Variants in MYOM1 observed in about 807,000 individuals in gnomAD.
MYOM1 encodes the protein myomesin 1.
Under a neutral mutation model 205.3 loss-of-function variants are expected in MYOM1, and 164 were observed. The ratio of observed to expected loss-of-function variants is 0.80; its 90% confidence interval spans 0.70 to 0.91. The LOEUF is 0.91. Among genes scored for constraint, MYOM1 ranks in the 40% least tolerant of loss-of-function variants. The pLI, the probability that MYOM1 is intolerant of heterozygous loss-of-function variation, is 0.00. For missense variants in MYOM1, 2,011 were observed against 2,127.3 expected, an observed-to-expected ratio of 0.95 and a Z score of 1.08; for synonymous variants, 772 against 789.4, an observed-to-expected ratio of 0.98 and a Z score of 0.37.
the MYOM1 span, among the ~76,000 whole-genome samples, chr18:3,226,119 T>A: frequency 6.6e-6 from 1 of 152,188 alleles, no homozygotes; most frequent in Non-Finnish European, 1.5e-5. The surrounding 1 kb of genome is among the most constrained non-coding windows in gnomAD (Gnocchi z 4.6). Context: ...ATCTGTTCAT[T>A]TGTAACCCTA....
chr18:3,127,282 CATATATAT>C (rs1241920775), intron 18 of MYOM1, among the ~76,000 whole-genome samples: 14 of 59,494 alleles, frequency 2.4e-4, no homozygotes, highest in East Asian at 1.7e-3. Context: ...TCAGAATTTC[CATATATAT>C]ATATATATAT....
At chr18:3,138,616 T>G (rs1238839294) in intron 14 of MYOM1, among the ~76,000 whole-genome samples, 1 of 152,244 alleles carries the variant, frequency 6.6e-6, no homozygotes, top group Non-Finnish European at 1.5e-5. Flanking sequence ...TTTAATCTTT[T>G]CATTTATGGC....
intron 13 of MYOM1, among the ~76,000 whole-genome samples, chr18:3,142,922 A>G (rs2080072527): frequency 6.6e-6 from 1 of 152,222 alleles, no homozygotes; most frequent in African/African-American, 2.4e-5. Context: ...GGAGACTGGA[A>G]ATACATAGAC....
chr18:3,229,159 C>CT, the MYOM1 span, among the ~76,000 whole-genome samples: 1 of 152,150 alleles, frequency 6.6e-6, no homozygotes, highest in Non-Finnish European at 1.5e-5. Flanking sequence ...TTTGAGAGGC[C>CT]TTTTTTAGCC....
chr18:3,094,362 C>T, intron 25 of MYOM1, 56 bp from the exon 26 acceptor site: 1 of 1,053,808 alleles, frequency 9.5e-7, no homozygotes, highest in Non-Finnish European at 1.3e-6. Context: ...TATATTGGTA[C>T]TCATTTTCCA....
chr18:3,161,390 C>T (rs1222175190), intron 10 of MYOM1, among the ~76,000 whole-genome samples: 1 of 152,196 alleles, frequency 6.6e-6, no homozygotes, highest in Non-Finnish European at 1.5e-5. Context: ...GACCCCTGAG[C>T]GTTAGCAGGA....
At chr18:3,171,678 C>A (rs1193271359) in intron 8 of MYOM1, among the ~76,000 whole-genome samples, 2 of 151,820 alleles carry the variant, frequency 1.3e-5, no homozygotes, top group African/African-American at 4.8e-5. Context: ...ATGGTTTTTG[C>A]ATGTTTTAGT....
chr18:3,100,242 C>T (rs1240737859), intron 24 of MYOM1, 39 bp from the exon 25 acceptor site: 1 of 1,613,672 alleles, frequency 6.2e-7, no homozygotes, highest in South Asian at 1.1e-5. Context: ...CCTTAAACTA[C>T]TAAAATAAAA....
chr18:3,087,881 C>T (rs537985204), intron 29 of MYOM1, among the ~76,000 whole-genome samples: 14 of 152,108 alleles, frequency 9.2e-5, no homozygotes, highest in African/African-American at 2.7e-4. Context: ...TGATTCGCTG[C>T]GCATACTCCA....
chr18:3,174,556 G>T (rs938233984), intron 6 of MYOM1, among the ~76,000 whole-genome samples: 3 of 152,174 alleles, frequency 2.0e-5, no homozygotes, highest in Non-Finnish European at 2.9e-5. Context: ...CCGCTTACTT[G>T]TCTAAAGTTG....
chr18:3,231,165 G>C, the MYOM1 span, among the ~76,000 whole-genome samples: 1 of 152,184 alleles, frequency 6.6e-6, no homozygotes, highest in African/African-American at 2.4e-5. Context: ...ACAGTGAATG[G>C]CCTGGGCCAA....
intron 19 of MYOM1, among the ~76,000 whole-genome samples, chr18:3,121,380 A>C (rs2079689646): frequency 6.6e-6 from 1 of 152,218 alleles, no homozygotes; most frequent in Non-Finnish European, 1.5e-5. Context: ...TGAACATATC[A>C]AAAGCTGTCC....
rs150388422 is a variant in MYOM1 at position 3,172,795 on chromosome 18, G to A, written c.1174+1143C>T. Among the ~76,000 whole-genome samples the A allele has an allele frequency of 1.4e-3, 212 of 152,312 alleles. 7 individuals are homozygous for A. In the East Asian group the frequency reaches 0.036, roughly 26 times the overall value. On this transcript the variant is annotated intron_variant, in intron 8 of 37. Transcript: ENST00000356443. Reference sequence around the variant, plus strand: ...CAAAGTGTTGGGATTACAGGCGTGAGCCACCGTGCCTGGCCCCAACTATTC... The same window carrying A: ...CAAAGTGTTGGGATTACAGGCGTGAACCACCGTGCCTGGCCCCAACTATTC...
chr18:3,160,643 C>T (rs1483667188), intron 10 of MYOM1, among the ~76,000 whole-genome samples: 1 of 152,190 alleles, frequency 6.6e-6, no homozygotes, highest in Non-Finnish European at 1.5e-5. Context: ...ATTTAAAATA[C>T]ATTTATAAGT....
At chr18:3,212,771 G>A (rs1005618308) in intron 2 of MYOM1, among the ~76,000 whole-genome samples, 10 of 152,144 alleles carry the variant, frequency 6.6e-5, no homozygotes, top group African/African-American at 2.4e-4. Context: ...TCTGCAGAAC[G>A]TTTTTCAGGG....
At chr18:3,092,925 C>T (rs1325728540) in intron 26 of MYOM1, among the ~76,000 whole-genome samples, 1 of 152,200 alleles carries the variant, frequency 6.6e-6, no homozygotes, top group African/African-American at 2.4e-5. Flanking sequence ...CGTCTATATG[C>T]ACATATGCAT....
chr18:3,168,731 T>C, intron 9 of MYOM1, 86 bp downstream of exon 9: 1 of 1,428,100 alleles, frequency 7.0e-7, no homozygotes, highest in Non-Finnish European at 9.6e-7. Context: ...AACTTCCAGA[T>C]TCCACCAGCT....
chr18:3,188,704 T>C (rs1035009141), intron 4 of MYOM1, 44 bp downstream of exon 4: 22 of 1,462,308 alleles, frequency 1.5e-5, no homozygotes, highest in Admixed American at 9.7e-5. Flanking sequence ...CCTTATGACA[T>C]GCATTTCCAC....
intron 10 of MYOM1, among the ~76,000 whole-genome samples, chr18:3,157,772 T>C (rs1427807134): frequency 6.6e-6 from 1 of 151,092 alleles, no homozygotes; most frequent in African/African-American, 2.4e-5. Flanking sequence ...AAACAAAACA[T>C]ACTTGGGATG....
Sources: gnomAD v4.1 joint callset for allele counts (sites outside exome capture counted in the v4.1 genomes callset) on GRCh38, gnomAD v4.1.1 for gene constraint, Gnocchi (gnomAD v3.1) non-coding constraint, MANE v1.5 for transcripts, NCBI Gene and HGNC (gene_info 2026-07-23, HGNC 2026-07-21) for gene names.